The following TRIM67 variants were observed in gnomAD, a reference collection of about 807,000 sequenced individuals.
TRIM67 encodes the protein tripartite motif-containing protein 67.
TRIM67 carries 39 observed loss-of-function variants against 71.0 expected under a neutral mutation model. The ratio of observed to expected loss-of-function variants is 0.55; its 90% CI spans 0.43 to 0.72. The LOEUF (loss-of-function observed/expected upper bound fraction) is 0.72, where lower values mean the gene tolerates loss of function less well. Among genes scored for constraint, TRIM67 ranks in the 30% least tolerant of loss-of-function variants. The pLI is 0.00. For missense variants in TRIM67, 973 were observed against 1,079.2 expected, an observed-to-expected ratio of 0.90 and a Z score of 1.38; for synonymous variants, 481 against 473.9, an observed-to-expected ratio of 1.01 and a Z score of -0.19.
chr1:231,186,718 G>A (rs576918918), intron 1 of TRIM67, among the ~76,000 whole-genome samples: 11 of 152,248 alleles, frequency 7.2e-5, no homozygotes, highest in African/African-American at 2.4e-4. Context: ...AGGTGCTGGG[G>A]GTTAGGACTT....
At chr1:231,210,692 A>G (rs1446363024) in intron 8 of TRIM67, among the ~76,000 whole-genome samples, 1 of 151,824 alleles carries the variant, frequency 6.6e-6, no homozygotes. Flanking sequence ...GATGTATCTG[A>G]GCTCATTTAA....
intron 2 of TRIM67, among the ~76,000 whole-genome samples, chr1:231,197,850 AAGG>A (rs1441820125): frequency 2.2e-5 from 3 of 137,000 alleles, no homozygotes; most frequent in African/African-American, 5.7e-5. Flanking sequence ...GAAGAAGAAG[AAGG>A]AGAAGGAGAA....
intron 8 of TRIM67, among the ~76,000 whole-genome samples, chr1:231,210,123 G>A (rs866231396): frequency 7.9e-5 from 12 of 152,188 alleles, no homozygotes; most frequent in African/African-American, 2.7e-4. Context: ...CAGAAATGGA[G>A]AGTTGCAAGT....
intron 1 of TRIM67, among the ~76,000 whole-genome samples, chr1:231,192,247 G>T (rs74510098): frequency 0.029 from 4,400 of 151,980 alleles, 93 homozygotes; most frequent in Middle Eastern, 0.082. Context: ...TCTCGCCCTG[G>T]GCTCCAGTGA....
intron 1 of TRIM67, among the ~76,000 whole-genome samples, chr1:231,164,459 AGC>A (rs1682395663): frequency 1.3e-5 from 2 of 152,122 alleles, no homozygotes; most frequent in Non-Finnish European, 1.5e-5. Context: ...GAAAGAGAGG[AGC>A]CATCAAAATC....
chr1:231,197,766 A>C (rs1396347148), intron 2 of TRIM67, among the ~76,000 whole-genome samples: 1 of 152,218 alleles, frequency 6.6e-6, no homozygotes, highest in Non-Finnish European at 1.5e-5. Context: ...CGGAGGTTGC[A>C]GTGAGCCGAG....
chr1:231,194,691 TTTTTA>T (rs1683318988), intron 1 of TRIM67, among the ~76,000 whole-genome samples: 1 of 152,180 alleles, frequency 6.6e-6, no homozygotes, highest in African/African-American at 2.4e-5. Context: ...AAATGTGTCA[TTTTTA>T]TTTTGAGACA....
At chr1:231,198,507 C>G (rs577708749) in intron 2 of TRIM67, among the ~76,000 whole-genome samples, 20 of 152,272 alleles carry the variant, frequency 1.3e-4, no homozygotes, top group Non-Finnish European at 1.5e-5. Context: ...CTGCCTCAGC[C>G]CCCTGAGTAG....
intron 1 of TRIM67, among the ~76,000 whole-genome samples, chr1:231,176,927 CT>C (rs1682768008): frequency 1.5e-5 from 1 of 67,610 alleles, no homozygotes; most frequent in Non-Finnish European, 2.5e-5. Context: ...AAAAAAACAC[CT>C]TTCAAACATC....
intron 1 of TRIM67, among the ~76,000 whole-genome samples, chr1:231,188,950 T>A (rs1296991792): frequency 6.6e-6 from 1 of 152,158 alleles, no homozygotes; most frequent in African/African-American, 2.4e-5. Flanking sequence ...CTCCACAAGA[T>A]CCACTTTTCT....
chr1:231,218,383 A>T lies in TRIM67; in HGVS notation c.*2943A>T, dbSNP rs1391364023. On this transcript the variant is annotated 3_prime_UTR_variant, in exon 10 of 10. Coordinates refer to ENST00000366653, the MANE Select transcript of TRIM67 (RefSeq NM_001004342.5). ...AAAAGGAATTCAAAGTAGTTTAAAA[A>T]TGTCGAGTTCCATTGCATTGTAAAT... 1.0e-6 allele frequency: 1 copy of T among 986,164 alleles called. No individual in the cohort carries two copies. The highest frequency in any genetic ancestry group is 1.2e-6 in the Non-Finnish European group (1 of 830,500). The allele number at this position is 986,164 out of a possible 1,614,324, so 61.1% of individuals were successfully genotyped here. A position where few individuals can be genotyped will look rare whatever the true frequency, so the allele number is the denominator to read the frequency against.
intron 1 of TRIM67, among the ~76,000 whole-genome samples, chr1:231,171,526 G>T (rs1682618080): frequency 6.6e-6 from 1 of 152,130 alleles, no homozygotes; most frequent in South Asian, 2.1e-4. Flanking sequence ...CCCAGGTAGT[G>T]GTGGAGGTTA....
chr1:231,213,248 C>T (rs4658905), intron 8 of TRIM67, among the ~76,000 whole-genome samples: 41,862 of 151,986 alleles, frequency 0.28, 6,317 homozygotes, highest in Admixed American at 0.37. Context: ...TTTTCTAGTG[C>T]GCAGATCCCA....
rs779763083 is a variant in TRIM67, at chr1:231,197,441, T to C, written c.1115T>C (p.Leu372Pro). 1 of 1,614,006 alleles carries C rather than the reference T, an allele frequency of 6.2e-7. No homozygotes were observed. The highest frequency in any genetic ancestry group is 1.1e-5 in the South Asian group (1 of 91,088). ...GAAGCAAAGGAGTTTCTGGTTCAGC[T>C]AAAGAACATATTGCAGCAGATCCAG... ...AKEAKEFLVQLKNILQQIQEN... is the reference protein window; with the variant it reads ...AKEAKEFLVQPKNILQQIQEN... The change falls in exon 2 of 10, where the codon CTA (leucine) becomes CCA (proline). Residue 372 changes from leucine (L) to proline (P), a missense_variant. Coordinates refer to ENST00000366653, the MANE Select transcript of TRIM67 (RefSeq NM_001004342.5).
intron 1 of TRIM67, among the ~76,000 whole-genome samples, chr1:231,173,629 G>A (rs1382659920): frequency 6.6e-6 from 1 of 152,204 alleles, no homozygotes; most frequent in African/African-American, 2.4e-5. Context: ...AGATGAATAA[G>A]GGGCAGAAGC....
At chr1:231,210,295 C>A (rs1290994765) in intron 8 of TRIM67, among the ~76,000 whole-genome samples, 2 of 152,130 alleles carry the variant, frequency 1.3e-5, no homozygotes, top group African/African-American at 4.8e-5. Flanking sequence ...GTGCTCTGGG[C>A]CCACCTGCAG....
In TRIM67 at chr1:231,213,933, G is replaced by T. The variant is rs777096335; in HGVS notation, c.2242G>T (p.Asp748Tyr). 6.2e-7 allele frequency: 1 copy of T among 1,613,532 alleles called. No homozygotes were observed. The highest frequency in any genetic ancestry group is 2.2e-5 in the East Asian group (1 of 44,884). ...GGGCCCCACAGCCTTCAGCCACGTGGACGGGGTCTTCATGCCAGCCCTCAG... is the reference window on the plus strand; with the variant it reads ...GGGCCCCACAGCCTTCAGCCACGTGTACGGGGTCTTCATGCCAGCCCTCAG... Reference protein sequence around the residue: ...QQGPTAFSHVDGVFMPALSLN... With the variant: ...QQGPTAFSHVYGVFMPALSLN... Residue 748 changes from aspartate (D) to tyrosine (Y), a missense_variant, in exon 9 of 10, where the codon GAC (aspartate) becomes TAC (tyrosine). Transcript: ENST00000366653.
rs56115614 is a variant in TRIM67 at position 231,176,906 on chromosome 1, C to CAAAAAAAAAAAAAAAAAAAAAAAAAAAAA, written c.1044+12910_1044+12911insAAAAAAAAAAAAAAAAAAAAAAAAAAAAA. 8.1e-5 allele frequency among the ~76,000 whole-genome samples: 6 copies of CAAAAAAAAAAAAAAAAAAAAAAAAAAAAA among 74,406 alleles called. 1 individual carries two copies. Among genetic ancestry groups the CAAAAAAAAAAAAAAAAAAAAAAAAAAAAA allele is most frequent in the African/African-American group, 1.2e-4 (2 of 16,594 alleles). 48.8% of individuals were successfully genotyped at this position (74,406 alleles called of 152,430 possible). On this transcript the variant is annotated intron_variant, in intron 1 of 9. Transcript: ENST00000366653. ...TACCCTGTTTGCCAATACAATCTGG[C>CAAAAAAAAAAAAAAAAAAAAAAAAAAAAA]AAAAAAAAAAAAAAAAACACCTTTC...
Position 231,216,831 on chromosome 1 carries a change from T to C in TRIM67, c.*1391T>C. The stretch of plus-strand genomic sequence containing the variant: ...GGGTTTTGAGCCTGCCAGGCTCTTG[T>C]TCCCAGGGAACCCTTCCTCTCCTCC... On this transcript the variant is annotated 3_prime_UTR_variant, in exon 10 of 10. Transcript: ENST00000366653. 3.0e-6 allele frequency: 3 copies of C among 985,544 alleles called. No homozygotes were observed. Among genetic ancestry groups the C allele is most frequent in the Non-Finnish European group, 3.6e-6 (3 of 830,002 alleles). 61.0% of individuals were successfully genotyped at this position (985,544 alleles called of 1,614,324 possible).
Sources: allele counts gnomAD v4.1 joint callset (sites outside exome capture counted in the v4.1 genomes callset), GRCh38; gene constraint gnomAD v4.1.1; transcripts MANE v1.5; gene names NCBI Gene and HGNC (gene_info 2026-07-23, HGNC 2026-07-21).